SRBD1: variants seen among roughly 807,000 people sequenced by gnomAD.
SRBD1 encodes the protein S1 RNA-binding domain-containing protein 1.
SRBD1 carries 88 observed loss-of-function variants against 115.3 expected under a neutral mutation model. The ratio of observed to expected loss-of-function variants is 0.76; its 90% CI spans 0.64 to 0.91. The LOEUF is 0.91. Among genes scored for constraint, SRBD1 ranks in the 40% least tolerant of loss-of-function variants. The probability of loss-of-function intolerance (pLI) is 0.00; values close to 1 mark genes in which losing one functional copy is unlikely to be tolerated. For synonymous variants in SRBD1, 509 were observed against 407.7 expected (o/e 1.25, Z -2.99); for missense variants, 1,385 against 1,177.4 (o/e 1.18, Z -2.58).
intron 16 of SRBD1, among the ~76,000 whole-genome samples, chr2:45,462,628 A>G (rs528544327): frequency 6.6e-6 from 1 of 151,506 alleles, no homozygotes; most frequent in East Asian, 1.9e-4. Context: ...CCTGGCCAAC[A>G]TGGTGAAACC....
chr2:45,411,364 T>C (rs1317754843), intron 19 of SRBD1, among the ~76,000 whole-genome samples: 2 of 152,228 alleles, frequency 1.3e-5, no homozygotes, highest in African/African-American at 4.8e-5. Flanking sequence ...TAAGCTGTGG[T>C]ATATTCACAC....
chr2:45,413,745 T>C (rs1572609869), intron 18 of SRBD1, among the ~76,000 whole-genome samples: 1 of 151,994 alleles, frequency 6.6e-6, no homozygotes, highest in East Asian at 1.9e-4. Context: ...CTGGCCAACA[T>C]GATGAAACCC....
At chr2:45,582,477 G>T (rs1344868944) in intron 5 of SRBD1, among the ~76,000 whole-genome samples, 1 of 152,024 alleles carries the variant, frequency 6.6e-6, no homozygotes, top group Non-Finnish European at 1.5e-5. Context: ...TATTCCTCTT[G>T]TAATTATAAG....
At chr2:45,466,033 T>A (rs76629905) in intron 16 of SRBD1, among the ~76,000 whole-genome samples, 1,771 of 152,290 alleles carry the variant, frequency 0.012, 23 homozygotes, top group East Asian at 0.075. Flanking sequence ...TGCCAGGTCC[T>A]GGGAGCTGAA....
chr2:45,446,691 C>G lies in SRBD1; in HGVS notation c.2050-26797G>C, dbSNP rs1668833443. On this transcript the variant is annotated intron_variant, in intron 16 of 20. Transcript: ENST00000263736. Reference sequence around the variant, plus strand: ...AAAAGACATGAGCATCTAGGCATATCAAGATGGAAAAAAAAAAACCCCACA... The same window carrying G: ...AAAAGACATGAGCATCTAGGCATATGAAGATGGAAAAAAAAAAACCCCACA... 2.0e-5 allele frequency among the ~76,000 whole-genome samples: 3 copies of G among 150,098 alleles called. No homozygotes were observed. In the South Asian group the frequency reaches 6.3e-4, roughly 32 times the overall value.
At chr2:45,412,578 T>C (rs958356070) in intron 19 of SRBD1, among the ~76,000 whole-genome samples, 6 of 152,186 alleles carry the variant, frequency 3.9e-5, no homozygotes, top group Non-Finnish European at 7.4e-5. Context: ...ATTAAAAAAA[T>C]TTAAAGCTAA....
At chr2:45,553,571 G>A in intron 11 of SRBD1, 52 bp downstream of exon 11, 1 of 1,193,838 alleles carries the variant, frequency 8.4e-7, no homozygotes, top group East Asian at 2.5e-5. Context: ...AATGGTACTA[G>A]TATCATATAA....
chr2:45,539,727 G>T (rs1370231067), intron 14 of SRBD1, among the ~76,000 whole-genome samples: 1 of 152,112 alleles, frequency 6.6e-6, no homozygotes, highest in East Asian at 1.9e-4. Flanking sequence ...TGTAGCAGAA[G>T]CAAATGCAAA....
intron 14 of SRBD1, among the ~76,000 whole-genome samples, chr2:45,489,901 G>T (rs1351955246): frequency 2.6e-5 from 4 of 152,070 alleles, no homozygotes; most frequent in Non-Finnish European, 4.4e-5. Flanking sequence ...TTTTTCTAAG[G>T]AAGAGCTACT....
At chr2:45,500,895 T>C (rs1670611225) in intron 14 of SRBD1, among the ~76,000 whole-genome samples, 1 of 152,202 alleles carries the variant, frequency 6.6e-6, no homozygotes, top group African/African-American at 2.4e-5. Flanking sequence ...ATATTTCTCT[T>C]GCCTAAATGC....
chr2:45,537,155 A>G (rs1209117209), intron 14 of SRBD1, among the ~76,000 whole-genome samples: 1 of 152,234 alleles, frequency 6.6e-6, no homozygotes, highest in Non-Finnish European at 1.5e-5. Flanking sequence ...AAATGAGGAT[A>G]AAGAGAACAT....
At chr2:45,463,112 G>A (rs1247037271) in intron 16 of SRBD1, among the ~76,000 whole-genome samples, 1 of 149,136 alleles carries the variant, frequency 6.7e-6, no homozygotes, top group African/African-American at 2.5e-5. Context: ...CAGAAAGAAA[G>A]ACAATGTAAC....
At chr2:45,598,897 C>T (rs904292722) in intron 4 of SRBD1, among the ~76,000 whole-genome samples, 1 of 152,120 alleles carries the variant, frequency 6.6e-6, no homozygotes, top group Non-Finnish European at 1.5e-5. Flanking sequence ...AGCTACTCTT[C>T]GGGTCTCCAA....
At chr2:45,596,687 A>G (rs188138874) in intron 4 of SRBD1, among the ~76,000 whole-genome samples, 20 of 152,316 alleles carry the variant, frequency 1.3e-4, no homozygotes, top group African/African-American at 4.1e-4. Flanking sequence ...AGTGCCTAGT[A>G]CAGAGCCGAG....
At chr2:45,490,718 A>G (rs2103861355) in intron 14 of SRBD1, among the ~76,000 whole-genome samples, 1 of 152,296 alleles carries the variant, frequency 6.6e-6, no homozygotes, top group East Asian at 1.9e-4. Context: ...TTTGGAGGTT[A>G]TAATTTTCAA....
rs148535063 is a variant in SRBD1, at chr2:45,599,646, T to A, written c.451A>T (p.Ser151Cys). 1 of 1,614,226 alleles carries A rather than the reference T, an allele frequency of 6.2e-7. No homozygotes were observed. Among genetic ancestry groups the A allele is most frequent in the Non-Finnish European group, 8.5e-7 (1 of 1,180,044 alleles). Residue 151 changes from serine (S) to cysteine (C), a missense_variant, in exon 4 of 21, where the codon AGT becomes TGT. Coordinates refer to ENST00000263736, the MANE Select transcript of SRBD1 (RefSeq NM_018079.5). ...GTGCTTGTGGATGGTGTCTCTGAAC[T>A]ATTACTCTCACCCTCTAAGTTGCTG... ...KASNLEGESN[S>C]SETPSTSTVW... is the part of the protein sequence containing the mutation.
chr2:45,602,266 C>T (rs1255119992), intron 2 of SRBD1, among the ~76,000 whole-genome samples, 183 bp from the exon 3 acceptor site: 3 of 152,140 alleles, frequency 2.0e-5, no homozygotes, highest in Non-Finnish European at 4.4e-5. Flanking sequence ...GATGACGGAC[C>T]AGTATAAAAA....
At position 45,579,962 on chromosome 2, in the gene SRBD1, G is replaced by T. The variant is rs1240934628; in HGVS notation, c.985C>A (p.Gln329Lys). Residue 329 changes from glutamine (Q) to lysine (K), a missense_variant, in exon 7 of 21, where the codon CAG (glutamine) becomes AAG (lysine). By Grantham distance (53) the Gln-to-Lys change is moderately conservative. Coordinates refer to ENST00000263736, the MANE Select transcript of SRBD1 (RefSeq NM_018079.5). ...SKGTKAQRAR[Q>K]LGLEGAARAL... The stretch of plus-strand genomic sequence containing the variant: ...CTGGCTGCTCCTTCTAAGCCCAACT[G>T]TCTTGCTCTCTGGGCTTTAGTCCCT... The T allele has an allele frequency of 6.2e-7, 1 of 1,606,866 alleles. No individual in the cohort carries two copies.
intron 14 of SRBD1, among the ~76,000 whole-genome samples, chr2:45,517,773 T>C (rs1039811979): frequency 1.3e-5 from 2 of 152,148 alleles, no homozygotes; most frequent in African/African-American, 4.8e-5. Context: ...GACAGGGGGA[T>C]AGTTTGAGCC....
Sources: allele counts gnomAD v4.1 joint callset (sites outside exome capture counted in the v4.1 genomes callset), GRCh38; gene constraint gnomAD v4.1.1; transcripts MANE v1.5; gene names NCBI Gene and HGNC (gene_info 2026-07-23, HGNC 2026-07-21).